CD8A: variants seen among roughly 807,000 people sequenced by gnomAD.
CD8A encodes T-cell surface glycoprotein CD8 alpha chain.
In CD8A, 25 loss-of-function variants were observed where a neutral mutation model predicts 24.2. The observed-to-expected ratio is 1.03, with a 90% CI of 0.75 to 1.44. The LOEUF (loss-of-function observed/expected upper bound fraction) is 1.44. CD8A is among the 40% of genes most tolerant of loss of function. The pLI is 0.00. For missense variants in CD8A, 360 were observed against 319.7 expected (o/e 1.13, Z -0.96); for synonymous variants, 165 against 149.9 (o/e 1.10, Z -0.74).
At chr2:86,788,846 T>C (rs1264949271) in intron 4 of CD8A, among the ~76,000 whole-genome samples, 2 of 152,102 alleles carry the variant, frequency 1.3e-5, no homozygotes, top group Non-Finnish European at 2.9e-5. Flanking sequence ...AAATTGCAAC[T>C]ACAGACGCGG....
intron 5 of CD8A, among the ~76,000 whole-genome samples, chr2:86,786,406 C>T (rs1198822735): frequency 6.6e-6 from 1 of 152,340 alleles, no homozygotes; most frequent in East Asian, 1.9e-4. Context: ...TCACCACCAT[C>T]AGCCAAATGA....
In CD8A at chr2:86,789,330, G is replaced by C. The variant is rs747415995; in HGVS notation, c.618C>G (p.Cys206Trp). Residue 206 changes from cysteine (C) to tryptophan (W), a missense_variant, in exon 4 of 6, where the codon TGC becomes TGG. By Grantham distance (215) the Cys-to-Trp change is radical. Transcript: ENST00000283635. ...LLLSLVITLYCNHRNRRRVCK... is the reference protein window; with the variant it reads ...LLLSLVITLYWNHRNRRRVCK... ...CGATTCCTCGGGACTTACTGTGGTT[G>C]CAGTAAAGGGTGATAACCAGTGACA... is the stretch of plus-strand genomic sequence containing the variant. 1 of 1,592,098 alleles carries C rather than the reference G, an allele frequency of 6.3e-7. No individual in the cohort carries two copies.
chr2:86,791,785 C>T (rs1673321663), upstream of CD8A: 4 of 400,584 alleles, frequency 1.0e-5, no homozygotes, highest in South Asian at 5.5e-5. Flanking sequence ...GCTTCACAGG[C>T]TTGAAGTCAT....
At chr2:86,787,912 T>A (rs1285530872) in intron 5 of CD8A, among the ~76,000 whole-genome samples, 1 of 151,576 alleles carries the variant, frequency 6.6e-6, no homozygotes, top group Non-Finnish European at 1.5e-5. Flanking sequence ...TGTGTGTGTG[T>A]GTGTGTGTGT....
intron 3 of CD8A, among the ~76,000 whole-genome samples, chr2:86,799,939 C>CTT (rs35272576): frequency 3.5e-5 from 5 of 141,150 alleles, no homozygotes; most frequent in African/African-American, 1.0e-4. Flanking sequence ...AATCAGAATT[C>CTT]TTTTTTTTTT....
chr2:86,794,016 G>A (rs927301736), upstream of CD8A, among the ~76,000 whole-genome samples: 2 of 152,170 alleles, frequency 1.3e-5, no homozygotes, highest in Non-Finnish European at 2.9e-5. Context: ...AATGACATCC[G>A]CCTTGCAGTG....
chr2:86,792,962 C>T (rs752812662), upstream of CD8A, among the ~76,000 whole-genome samples: 1 of 152,132 alleles, frequency 6.6e-6, no homozygotes, highest in Non-Finnish European at 1.5e-5. Context: ...TATTCTTGTA[C>T]GAAAACAAAC....
intron 4 of CD8A, among the ~76,000 whole-genome samples, chr2:86,788,990 C>T (rs2367369): frequency 0.053 from 8,071 of 152,302 alleles, 273 homozygotes; most frequent in Non-Finnish European, 0.079. Context: ...CTCCTGGGCA[C>T]TTGACTCGGC....
intron 3 of CD8A, among the ~76,000 whole-genome samples, chr2:86,798,829 T>C (rs2104455066): frequency 6.6e-6 from 1 of 152,322 alleles, no homozygotes; most frequent in East Asian, 1.9e-4. Flanking sequence ...GCCTGCATAA[T>C]GTATCTTTTT....
chr2:86,797,838 G>T (rs1237042543), intron 3 of CD8A, among the ~76,000 whole-genome samples: 1 of 151,984 alleles, frequency 6.6e-6, no homozygotes. Flanking sequence ...CACCCCACCC[G>T]CCTTCTCATG....
At chr2:86,789,106 C>T in intron 4 of CD8A, among the ~76,000 whole-genome samples, 1 of 152,202 alleles carries the variant, frequency 6.6e-6, no homozygotes, top group East Asian at 1.9e-4. Flanking sequence ...TCTGGGAACG[C>T]GGCTTTGTCT....
chr2:86,806,118 T>C (rs1673846559), intron 2 of CD8A, among the ~76,000 whole-genome samples: 1 of 152,184 alleles, frequency 6.6e-6, no homozygotes, highest in African/African-American at 2.4e-5. Context: ...TGAAATAACC[T>C]CAACTCGACC....
At position 86,790,403 on chromosome 2, in the gene CD8A, C is replaced by A; in HGVS notation, c.328G>T (p.Glu110Ter). 1 of 1,614,138 alleles carries A rather than the reference C, an allele frequency of 6.2e-7. No homozygotes were observed. Among genetic ancestry groups the A allele is most frequent in the South Asian group, 1.1e-5 (1 of 91,072 alleles). ...LTLSDFRREN[E>*]GYYFCSALSN... ...AGGGCCGAGCAGAAATAGTAGCCCT[C>A]GTTCTCTCGGCGGAAGTCGCTCAGG... The change falls in exon 2 of 6, where the codon GAG (glutamate) becomes TAG (stop). Residue 110 changes from glutamate to a stop codon, truncating the protein, a stop_gained. Coordinates refer to ENST00000283635, the MANE Select transcript of CD8A (RefSeq NM_001768.7). LOFTEE classifies it high-confidence loss of function.
At chr2:86,789,910 A>G (rs1241988013) in intron 2 of CD8A, among the ~76,000 whole-genome samples, 160 bp from the exon 3 acceptor site, 1 of 151,830 alleles carries the variant, frequency 6.6e-6, no homozygotes, top group Non-Finnish European at 1.5e-5. Context: ...ATGCGCGCGG[A>G]CCCCTGTGCT....
At chr2:86,790,744 C>CCCCACCCCCCCA in intron 1 of CD8A, 33 bp downstream of exon 1, 1 of 1,517,590 alleles carries the variant, frequency 6.6e-7, no homozygotes, top group Non-Finnish European at 8.9e-7. Context: ...CCGCCCGCCC[C>CCCCACCCCCCCA]ATCCCCTGCC....
chr2:86,797,000 C>G (rs1673504995), intron 3 of CD8A, among the ~76,000 whole-genome samples: 1 of 152,190 alleles, frequency 6.6e-6, no homozygotes, highest in East Asian at 1.9e-4. Context: ...ATCTCCTTGG[C>G]TGCAGCACCT....
At chr2:86,805,963 TTGTGACAATTGTCACAACAAAATGTGTA>T (rs902991811) in intron 2 of CD8A, among the ~76,000 whole-genome samples, 1 of 152,296 alleles carries the variant, frequency 6.6e-6, no homozygotes, top group African/African-American at 2.4e-5. Context: ...TTTTCTCTTG[TTGTGACAATTGTCACAACAAAATGTGTA>T]TGTGACAATT....
In CD8A at chr2:86,789,746, C is replaced by T. The variant is rs1484104219; in HGVS notation, c.408G>A (p.Lys136=). ...GTCGCGGCGCTGGCGTCGTGGTGGG[C>T]TTCGCTGCAAGAGCAACAGAGCGTG... ...SHFVPVFLPA[K]PTTTPAPRPP... is the part of the protein sequence containing the mutation. The change falls in exon 3 of 6, where the codon AAG becomes AAA. Residue 136 remains lysine, a synonymous_variant. Coordinates refer to ENST00000283635, the MANE Select transcript of CD8A (RefSeq NM_001768.7). 7.4e-7 allele frequency: 1 copy of T among 1,359,018 alleles called. No homozygotes were observed. Among genetic ancestry groups the T allele is most frequent in the Non-Finnish European group, 9.4e-7 (1 of 1,063,360 alleles). 84.2% of individuals were successfully genotyped at this position (1,359,018 alleles called of 1,614,324 possible). A position where few individuals can be genotyped will look rare whatever the true frequency, so the allele number is the denominator to read the frequency against.
chr2:86,790,181 C>G (rs1673215302), intron 2 of CD8A, 147 bp downstream of exon 2: 1 of 701,686 alleles, frequency 1.4e-6, no homozygotes, highest in South Asian at 1.6e-5. Context: ...GCGTTAGCCT[C>G]AGTTTGCTGT....
Sources: gnomAD v4.1 joint callset for allele counts (sites outside exome capture counted in the v4.1 genomes callset) on GRCh38, gnomAD v4.1.1 for gene constraint, MANE v1.5 for transcripts, NCBI Gene and HGNC (gene_info 2026-07-23, HGNC 2026-07-21) for gene names.